SLC35F1: variants seen among roughly 807,000 people sequenced by gnomAD.
The protein encoded by SLC35F1 is chromosome 6 open reading frame 169.
A neutral mutation model predicts 48.7 loss-of-function variants in SLC35F1; 14 were observed. The observed-to-expected ratio is 0.29, with a 90% CI of 0.19 to 0.45. The LOEUF (loss-of-function observed/expected upper bound fraction) is 0.45, where lower values mean the gene tolerates loss of function less well. Among genes scored for constraint, SLC35F1 ranks in the 20% least tolerant of loss-of-function variants. The pLI is 1.00. For missense variants in SLC35F1, 404 were observed against 500.0 expected (o/e 0.81, Z 1.83); for synonymous variants, 190 against 202.2 (o/e 0.94, Z 0.51).
intron 1 of SLC35F1, among the ~76,000 whole-genome samples, chr6:118,034,475 T>C (rs1772098740): frequency 6.6e-6 from 1 of 152,058 alleles, no homozygotes; most frequent in African/African-American, 2.4e-5. Flanking sequence ...GAAGAATCGC[T>C]TGAACCTGGG....
intron 1 of SLC35F1, among the ~76,000 whole-genome samples, chr6:118,035,944 G>A (rs951201911): frequency 9.9e-5 from 15 of 151,758 alleles, no homozygotes; most frequent in East Asian, 3.9e-4. Context: ...CGCCCGCCTC[G>A]GCCTCCCAAA....
chr6:118,046,962 T>A (rs991079532), intron 1 of SLC35F1, among the ~76,000 whole-genome samples: 8 of 151,920 alleles, frequency 5.3e-5, no homozygotes, highest in African/African-American at 1.7e-4. Flanking sequence ...TTTTGAGATA[T>A]AAAAAAATCA....
chr6:118,099,635 G>T (rs1382086137), intron 1 of SLC35F1, among the ~76,000 whole-genome samples: 1 of 152,110 alleles, frequency 6.6e-6, no homozygotes, highest in Non-Finnish European at 1.5e-5. Context: ...CAACAAGGGG[G>T]CTGAAGGGAG....
intron 1 of SLC35F1, among the ~76,000 whole-genome samples, chr6:118,071,175 A>G (rs530690009): frequency 3.5e-4 from 51 of 145,184 alleles, no homozygotes; most frequent in African/African-American, 1.3e-3. Flanking sequence ...TAGAATATAT[A>G]TACTATGTGT....
chr6:118,301,113 A>G (rs1211260756), intron 7 of SLC35F1, among the ~76,000 whole-genome samples: 2 of 152,166 alleles, frequency 1.3e-5, no homozygotes, highest in Admixed American at 1.3e-4. Context: ...GAGACCTCAT[A>G]GGGCTCCTTC....
At chr6:118,042,431 G>A (rs1772238009) in intron 1 of SLC35F1, among the ~76,000 whole-genome samples, 1 of 152,182 alleles carries the variant, frequency 6.6e-6, no homozygotes. Flanking sequence ...AGTGTCTGGG[G>A]AGCATGAAGA....
At chr6:118,005,470 A>C (rs914750786) in intron 1 of SLC35F1, among the ~76,000 whole-genome samples, 1 of 152,080 alleles carries the variant, frequency 6.6e-6, no homozygotes, top group Non-Finnish European at 1.5e-5. Context: ...TTCATCCTTT[A>C]GGGTGACTCT....
intron 1 of SLC35F1, among the ~76,000 whole-genome samples, chr6:118,027,905 T>C (rs929753949): frequency 3.9e-5 from 6 of 152,136 alleles, no homozygotes; most frequent in Non-Finnish European, 5.9e-5. Flanking sequence ...TTCACACTTT[T>C]TGTATCCTAT....
intron 1 of SLC35F1, among the ~76,000 whole-genome samples, chr6:118,115,359 T>C (rs1773463106): frequency 6.6e-6 from 1 of 152,074 alleles, no homozygotes; most frequent in Non-Finnish European, 1.5e-5. Context: ...AGAAGGGAAA[T>C]AACAATACCA....
At chr6:118,063,495 T>G (rs374421999) in intron 1 of SLC35F1, among the ~76,000 whole-genome samples, 3 of 152,184 alleles carry the variant, frequency 2.0e-5, no homozygotes, top group African/African-American at 7.2e-5. Flanking sequence ...CTATTTTTAT[T>G]GACATACTTT....
intron 1 of SLC35F1, among the ~76,000 whole-genome samples, chr6:117,953,649 GA>G (rs1776391488): frequency 6.6e-6 from 1 of 152,146 alleles, no homozygotes; most frequent in Non-Finnish European, 1.5e-5. Flanking sequence ...GTCAGCCAGG[GA>G]CCAGAACAGT....
chr6:118,302,589 A>C (rs1776266324), intron 7 of SLC35F1, among the ~76,000 whole-genome samples: 1 of 152,192 alleles, frequency 6.6e-6, no homozygotes, highest in South Asian at 2.1e-4. Flanking sequence ...CATGAATGTC[A>C]AACTTAGGGG....
intron 3 of SLC35F1, among the ~76,000 whole-genome samples, chr6:118,244,963 C>T (rs1298774848): frequency 6.6e-6 from 1 of 152,174 alleles, no homozygotes; most frequent in East Asian, 1.9e-4. Flanking sequence ...GTAGTTTTAT[C>T]ACTAGTAAGT....
chr6:118,082,474 C>T (rs1772925998), intron 1 of SLC35F1, among the ~76,000 whole-genome samples: 1 of 152,056 alleles, frequency 6.6e-6, no homozygotes, highest in Admixed American at 6.6e-5. Flanking sequence ...ATGAAAGAAA[C>T]ATTGAATATT....
chr6:118,147,692 C>T (rs1050002955), intron 1 of SLC35F1, among the ~76,000 whole-genome samples: 1 of 152,144 alleles, frequency 6.6e-6, no homozygotes, highest in South Asian at 2.1e-4. Flanking sequence ...AAACATAAAA[C>T]ATACAGCATC....
At chr6:118,098,461 T>A (rs1773209889) in intron 1 of SLC35F1, among the ~76,000 whole-genome samples, 1 of 152,172 alleles carries the variant, frequency 6.6e-6, no homozygotes, top group Non-Finnish European at 1.5e-5. Context: ...TGTTTCTAAG[T>A]CTCATGCATT....
intron 7 of SLC35F1, among the ~76,000 whole-genome samples, chr6:118,291,200 A>G (rs1475488815): frequency 1.3e-5 from 2 of 151,642 alleles, no homozygotes; most frequent in Non-Finnish European, 2.9e-5. Context: ...AAAAATGGTT[A>G]TGGTGATGAT....
intron 1 of SLC35F1, among the ~76,000 whole-genome samples, chr6:117,938,509 C>T (rs1776187964): frequency 6.6e-6 from 1 of 152,222 alleles, no homozygotes; most frequent in Non-Finnish European, 1.5e-5. Flanking sequence ...CTCTGCAGGG[C>T]TCACTGCCCC....
chr6:118,100,325 A>G (rs1454768020), intron 1 of SLC35F1, among the ~76,000 whole-genome samples: 1 of 152,040 alleles, frequency 6.6e-6, no homozygotes, highest in Non-Finnish European at 1.5e-5. Context: ...ATAGTTAGCC[A>G]AACTTGAGGT....
Sources: gnomAD v4.1 joint callset for allele counts (sites outside exome capture counted in the v4.1 genomes callset) on GRCh38, gnomAD v4.1.1 for gene constraint, MANE v1.5 for transcripts, NCBI Gene and HGNC (gene_info 2026-07-23, HGNC 2026-07-21) for gene names.